Variants in GRIK1 observed in about 807,000 individuals in gnomAD.
The protein encoded by GRIK1 is glutamate receptor ionotropic, kainate 1.
Under a neutral mutation model 105.7 loss-of-function variants are expected in GRIK1, and 69 were observed. The observed-to-expected ratio is 0.65, with a 90% confidence interval of 0.54 to 0.80. The LOEUF (loss-of-function observed/expected upper bound fraction) is 0.80, where lower values mean the gene tolerates loss of function less well. Among genes scored for constraint, GRIK1 ranks in the 30% least tolerant of loss-of-function variants. GRIK1 has a pLI of 0.00. For missense variants in GRIK1, 1,109 were observed against 1,167.3 expected (o/e 0.95, Z 0.73); for synonymous variants, 438 against 431.3 (o/e 1.02, Z -0.19).
At chr21:29,933,005 T>A (rs1334295307) in intron 1 of GRIK1, among the ~76,000 whole-genome samples, 1 of 151,908 alleles carries the variant, frequency 6.6e-6, no homozygotes, top group East Asian at 1.9e-4. Context: ...GAATAGATTA[T>A]GTGGTTTTAA....
chr21:29,572,845 A>C (rs543664797), intron 14 of GRIK1, among the ~76,000 whole-genome samples: 1 of 151,836 alleles, frequency 6.6e-6, no homozygotes, highest in Non-Finnish European at 1.5e-5. Flanking sequence ...ATCTCGGCTC[A>C]CTGCAACCTC....
intron 1 of GRIK1, among the ~76,000 whole-genome samples, chr21:29,796,362 C>G (rs894601767): frequency 6.6e-6 from 1 of 152,110 alleles, no homozygotes; most frequent in Non-Finnish European, 1.5e-5. Context: ...AAGACCTAAA[C>G]TGCCCCAATC....
At chr21:29,690,093 T>C in intron 2 of GRIK1, 108 bp from the exon 3 acceptor site, 3 of 851,816 alleles carry the variant, frequency 3.5e-6, no homozygotes, top group South Asian at 1.7e-5. Context: ...CTCTTTTTAA[T>C]GCAACTATTG....
At chr21:29,933,173 C>T (rs1569229575) in intron 1 of GRIK1, among the ~76,000 whole-genome samples, 1 of 151,880 alleles carries the variant, frequency 6.6e-6, no homozygotes, top group Admixed American at 6.6e-5. Context: ...GGTACATGGG[C>T]AGTATGTGCA....
intron 1 of GRIK1, among the ~76,000 whole-genome samples, chr21:29,728,387 G>C (rs418284): frequency 3.9e-5 from 6 of 152,162 alleles, no homozygotes; most frequent in African/African-American, 1.4e-4. Flanking sequence ...GAAACTTGAC[G>C]TGAAGGGGGA....
chr21:29,839,576 A>G (rs561848172), intron 1 of GRIK1, among the ~76,000 whole-genome samples: 158 of 152,316 alleles, frequency 1.0e-3, no homozygotes, highest in Non-Finnish European at 1.7e-3. Context: ...CATGTGTATG[A>G]CTTAGGGATT....
intron 6 of GRIK1, among the ~76,000 whole-genome samples, chr21:29,643,942 A>G (rs2062566204): frequency 6.6e-6 from 1 of 152,146 alleles, no homozygotes; most frequent in East Asian, 1.9e-4. Flanking sequence ...ACAGCCACAC[A>G]CACACCACAT....
intron 16 of GRIK1, among the ~76,000 whole-genome samples, chr21:29,539,457 G>A (rs2089935001): frequency 6.6e-6 from 1 of 152,170 alleles, no homozygotes; most frequent in Admixed American, 6.5e-5. Flanking sequence ...CAGAATGGTT[G>A]TATGGGCACT....
At chr21:29,681,696 A>T (rs1443414085) in intron 3 of GRIK1, among the ~76,000 whole-genome samples, 3 of 152,232 alleles carry the variant, frequency 2.0e-5, no homozygotes, top group Non-Finnish European at 2.9e-5. Context: ...TTTTATATTG[A>T]ATGAAAAAAT....
At chr21:29,867,815 AGAAT>A (rs1453782688) in intron 1 of GRIK1, among the ~76,000 whole-genome samples, 47 of 144,450 alleles carry the variant, frequency 3.3e-4, no homozygotes, top group Non-Finnish European at 5.5e-4. Flanking sequence ...AAAGAAAGAA[AGAAT>A]GAAAGAAAGA....
intron 1 of GRIK1, among the ~76,000 whole-genome samples, chr21:29,910,079 G>C (rs573392545): frequency 1.2e-4 from 18 of 151,978 alleles, no homozygotes; most frequent in Admixed American, 3.9e-4. Context: ...AAATGCTTGA[G>C]GGAATTGAAA....
At chr21:29,898,502 G>C (rs2070261201) in intron 1 of GRIK1, among the ~76,000 whole-genome samples, 1 of 152,206 alleles carries the variant, frequency 6.6e-6, no homozygotes. Flanking sequence ...CTTAGACTAT[G>C]AGAGGACAAT....
intron 10 of GRIK1, among the ~76,000 whole-genome samples, chr21:29,590,185 A>G (rs1407981526): frequency 6.6e-6 from 1 of 152,226 alleles, no homozygotes; most frequent in Non-Finnish European, 1.5e-5. Context: ...ATTCAAACAC[A>G]GTAGAGAACC....
chr21:29,876,572 G>A (rs945878486), intron 1 of GRIK1, among the ~76,000 whole-genome samples: 2 of 152,066 alleles, frequency 1.3e-5, no homozygotes, highest in African/African-American at 4.8e-5. Flanking sequence ...ACATGTTGCT[G>A]CTATTCACAT....
chr21:29,784,213 A>G (rs932242558), intron 1 of GRIK1, among the ~76,000 whole-genome samples: 1 of 152,220 alleles, frequency 6.6e-6, no homozygotes, highest in African/African-American at 2.4e-5. Flanking sequence ...TCTCACGTTG[A>G]TGGATGTTTA....
intron 1 of GRIK1, among the ~76,000 whole-genome samples, chr21:29,811,940 A>G (rs1450687455): frequency 1.3e-5 from 2 of 152,080 alleles, no homozygotes; most frequent in East Asian, 1.9e-4. Flanking sequence ...TTTTCTTACT[A>G]TATCAGGTCT....
At chr21:29,739,241 T>C (rs1334426495) in intron 1 of GRIK1, among the ~76,000 whole-genome samples, 1 of 152,184 alleles carries the variant, frequency 6.6e-6, no homozygotes, top group East Asian at 1.9e-4. Flanking sequence ...TAGGTCTCTC[T>C]GGCAAGATGA....
At chr21:29,586,392 A>G (rs2091131584) in intron 12 of GRIK1, among the ~76,000 whole-genome samples, 1 of 152,218 alleles carries the variant, frequency 6.6e-6, no homozygotes, top group East Asian at 1.9e-4. Flanking sequence ...CACCAGGGAA[A>G]GAGTTACCTG....
At chr21:29,746,679 A>C (rs2065057243) in intron 1 of GRIK1, among the ~76,000 whole-genome samples, 1 of 152,260 alleles carries the variant, frequency 6.6e-6, no homozygotes, top group Non-Finnish European at 1.5e-5. Flanking sequence ...GATCTGAAGT[A>C]GGGTGTTATC....
Sources: allele counts gnomAD v4.1 joint callset (sites outside exome capture counted in the v4.1 genomes callset), GRCh38; gene constraint gnomAD v4.1.1; transcripts MANE v1.5; gene names NCBI Gene and HGNC (gene_info 2026-07-23, HGNC 2026-07-21).